CDKN2A: variants seen among roughly 807,000 people sequenced by gnomAD.
The protein encoded by CDKN2A is cyclin-dependent kinase inhibitor 2A.
A neutral mutation model predicts 11.1 loss-of-function variants in CDKN2A; 3 were observed. The observed-to-expected ratio is 0.27, with a 90% CI of 0.12 to 0.70. The LOEUF is 0.70. Ranked by LOEUF, CDKN2A falls within the 30% of genes least tolerant of loss-of-function variation. The pLI, the probability that CDKN2A is intolerant of heterozygous loss-of-function variation, is 0.77. For missense variants in CDKN2A, 265 were observed against 233.6 expected, an observed-to-expected ratio of 1.13 and a Z score of -0.88; for synonymous variants, 122 against 108.1, an observed-to-expected ratio of 1.13 and a Z score of -0.80.
chr9:21,969,305 T>C (rs1179152337), intron 2 of CDKN2A, among the ~76,000 whole-genome samples: 1 of 152,094 alleles, frequency 6.6e-6, no homozygotes, highest in Non-Finnish European at 1.5e-5. Flanking sequence ...GGAGAACCCC[T>C]TGAGCCAGGG....
rs1297764843 is a variant in CDKN2A at position 21,985,398 on chromosome 9, C to T, written c.-4+8484G>A. Among the ~76,000 whole-genome samples, 3 of 151,886 alleles carry T rather than the reference C, an allele frequency of 2.0e-5. No homozygotes were observed. The South Asian group carries it at 6.2e-4, about 31-fold the overall frequency. ...CCTCCAAGGTAGGCATTTTGAATGT[C>T]GTAAGGATGACAGTAATGTTTCTGC... On this transcript the variant is annotated intron_variant, in intron 2 of 3. Transcript: ENST00000494262.
At chr9:21,975,086 G>A, upstream of CDKN2A, 2 of 1,302,286 alleles carry the variant, frequency 1.5e-6, no homozygotes, top group African/African-American at 1.6e-5. Flanking sequence ...CCCTGAAGTC[G>A]CCCCAGGTTG....
chr9:21,971,116 G>A lies in CDKN2A; in HGVS notation c.243C>T (p.Pro81=), dbSNP rs1060504185. 6.2e-7 allele frequency: 1 copy of A among 1,604,194 alleles called. No individual in the cohort carries two copies. The highest frequency in any genetic ancestry group is 8.5e-7 in the Non-Finnish European group (1 of 1,179,540). ...AGCCCTCCCGGGCAGCGTCGTGCAC[G>A]GGTCGGGTGAGAGTGGCGGGGTCGG... is the stretch of plus-strand genomic sequence containing the variant. ...NCADPATLTR[P]VHDAAREGFL... Residue 81 remains proline, a synonymous_variant, in exon 2 of 3, where the codon CCC becomes CCT. Transcript: ENST00000304494.
rs1060504181 is a variant in CDKN2A at position 21,971,113 on chromosome 9, C to A, written c.246G>T (p.Val82=). 6.2e-7 allele frequency: 1 copy of A among 1,604,352 alleles called. No individual in the cohort carries two copies. Among genetic ancestry groups the A allele is most frequent in the Non-Finnish European group, 8.5e-7 (1 of 1,179,536 alleles). Residue 82 remains valine (V), a synonymous_variant, in exon 2 of 3, where the codon GTG becomes GTT. Transcript: ENST00000304494. ...CADPATLTRP[V]HDAAREGFLD... ...GGAAGCCCTCCCGGGCAGCGTCGTG[C>A]ACGGGTCGGGTGAGAGTGGCGGGGT...
chr9:21,971,575 A>ATTTTTTTTTTTTTT lies in CDKN2A; in HGVS notation c.151-381_151-368dup, dbSNP rs59981968. Among the ~76,000 whole-genome samples the ATTTTTTTTTTTTTT allele has an allele frequency of 9.8e-3, 1,086 of 111,150 alleles. 49 individuals are homozygous for ATTTTTTTTTTTTTT. The highest frequency in any genetic ancestry group is 0.027 in the East Asian group (103 of 3,832). The allele number at this position is 111,150 out of a possible 152,430, so 72.9% of individuals were successfully genotyped here. The stretch of plus-strand genomic sequence containing the variant: ...TCCTGAAATTATGTTAGGCCTGGAG[A>ATTTTTTTTTTTTTT]TTTTTTTTTTTTTTTTTGTTCACTG... On this transcript the variant is annotated intron_variant, in intron 1 of 2. Coordinates refer to ENST00000304494, the MANE Select transcript of CDKN2A (RefSeq NM_000077.5).
At chr9:21,994,469 CGCGCACCCGCCTTCCCTGA>C (rs748310296) in intron 1 of CDKN2A, 18 of 1,520,954 alleles carry the variant, frequency 1.2e-5, no homozygotes, top group Non-Finnish European at 1.5e-5. Context: ...GCCCCGCAGG[CGCGCACCCGCCTTCCCTGA>C]GCGCGCCCGC....
chr9:21,989,108 T>C (rs555213264), intron 2 of CDKN2A, among the ~76,000 whole-genome samples: 1 of 152,218 alleles, frequency 6.6e-6, no homozygotes, highest in Non-Finnish European at 1.5e-5. Flanking sequence ...AAAAACGCTA[T>C]TGACATTTGG....
At chr9:21,977,867 C>T (rs1025017040), upstream of CDKN2A, among the ~76,000 whole-genome samples, 1 of 152,098 alleles carries the variant, frequency 6.6e-6, no homozygotes, top group Admixed American at 6.5e-5. Context: ...ATTCCTACAT[C>T]AAGAACTCTT....
At chr9:21,992,819 G>A (rs2131144017) in intron 2 of CDKN2A, among the ~76,000 whole-genome samples, 1 of 151,886 alleles carries the variant, frequency 6.6e-6, no homozygotes, top group South Asian at 2.1e-4. Flanking sequence ...AACTTTTGCT[G>A]ATACGGATAA....
intron 2 of CDKN2A, chr9:21,970,580 A>C (rs1252859335): frequency 2.3e-5 from 13 of 568,942 alleles, no homozygotes. Context: ...GGGGCACTAG[A>C]CCTCTAGCCT....
chr9:21,980,901 G>GT (rs534789399), intron 2 of CDKN2A, among the ~76,000 whole-genome samples: 3,962 of 143,950 alleles, frequency 0.028, 185 homozygotes, highest in African/African-American at 0.078. Flanking sequence ...GGAGCTTGCA[G>GT]TGAGCCGAGA....
upstream of CDKN2A, among the ~76,000 whole-genome samples, chr9:21,977,240 TTA>T (rs1006035148): frequency 6.6e-6 from 1 of 152,168 alleles, no homozygotes; most frequent in African/African-American, 2.4e-5. Flanking sequence ...ATAAATAAAA[TTA>T]TTTTAGTTTA....
At chr9:21,976,585 G>T (rs569930585), upstream of CDKN2A, among the ~76,000 whole-genome samples, 3 of 151,654 alleles carry the variant, frequency 2.0e-5, no homozygotes, top group African/African-American at 7.3e-5. Context: ...GCTTGGTGGC[G>T]CATGCCTGTA....
At position 21,974,798 on chromosome 9, in the gene CDKN2A, C is replaced by A. The variant is rs1412534406; in HGVS notation, c.30G>T (p.Glu10Asp). The change falls in exon 1 of 3, where the codon GAG becomes GAT. Residue 10 changes from glutamate to aspartate, a missense_variant. Glu to Asp is a conservative substitution (Grantham distance 45). Coordinates refer to ENST00000304494, the MANE Select transcript of CDKN2A (RefSeq NM_000077.5). The surrounding 1 kb of genome is among the most constrained non-coding windows in gnomAD (Gnocchi z 5.2). MEPAAGSSMEPSADWLATAA... is the reference protein window; with the variant it reads MEPAAGSSMDPSADWLATAA... ...CCGTGGCCAGCCAGTCAGCCGAAGG[C>A]TCCATGCTGCTCCCCGCCGCCGGCT... 1.2e-6 allele frequency: 2 copies of A among 1,604,564 alleles called. No homozygotes were observed. The highest frequency in any genetic ancestry group is 2.2e-5 in the South Asian group (2 of 90,892).
chr9:21,987,428 CACACAGAGAGAGAG>C (rs1820326691), intron 2 of CDKN2A, among the ~76,000 whole-genome samples: 3 of 121,244 alleles, frequency 2.5e-5, no homozygotes, highest in African/African-American at 9.4e-5. Context: ...CACACACACA[CACACAGAGAGAGAG>C]AGAGAGAGAG....
In CDKN2A at chr9:21,974,213, A is replaced by G. The variant is rs1180877656; in HGVS notation, c.150+465T>C. On this transcript the variant is annotated intron_variant, in intron 1 of 2. Transcript: ENST00000304494. The surrounding 1 kb of genome is among the most constrained non-coding windows in gnomAD (Gnocchi z 5.2). ...GGCCGCTTCTGAATAATTTCGATCA[A>G]AATTTATATTCGATATTTATTCCAA... 6.6e-6 allele frequency among the ~76,000 whole-genome samples: 1 copy of G among 152,150 alleles called. No individual in the cohort carries two copies. The highest frequency in any genetic ancestry group is 6.5e-5 in the Admixed American group (1 of 15,270).
rs1477500164 is a variant in CDKN2A, at chr9:21,971,013, C to A, written c.346G>T (p.Asp116Tyr). ...CGATGGCCCAGCTCCTCAGCCAGGTCCACGGGCAGACGGCCCCAGGCATCG... is the reference window on the plus strand; with the variant it reads ...CGATGGCCCAGCTCCTCAGCCAGGTACACGGGCAGACGGCCCCAGGCATCG... ...VRDAWGRLPV[D>Y]LAEELGHRDV... is the part of the protein sequence containing the mutation. The change falls in exon 2 of 3, where the codon GAC becomes TAC. Residue 116 changes from aspartate to tyrosine, a missense_variant. Asp to Tyr is a radical substitution (Grantham distance 160, BLOSUM62 -3). Coordinates refer to ENST00000304494, the MANE Select transcript of CDKN2A (RefSeq NM_000077.5). The A allele has an allele frequency of 6.2e-7, 1 of 1,608,242 alleles. No homozygotes were observed.
chr9:21,990,341 C>G (rs1024439771), intron 2 of CDKN2A, among the ~76,000 whole-genome samples: 1 of 152,072 alleles, frequency 6.6e-6, no homozygotes, highest in Non-Finnish European at 1.5e-5. Context: ...GCAGGTTTTC[C>G]CAGACCTTAA....
upstream of CDKN2A, chr9:21,975,262 C>T: frequency 1.7e-6 from 1 of 594,534 alleles, no homozygotes; most frequent in Non-Finnish European, 2.1e-6. Context: ...AGTGCGTTCA[C>T]TCTGTTAAAA....
Sources: gnomAD v4.1 joint callset for allele counts (sites outside exome capture counted in the v4.1 genomes callset) on GRCh38, gnomAD v4.1.1 for gene constraint, Gnocchi (gnomAD v3.1) non-coding constraint, MANE v1.5 for transcripts, NCBI Gene and HGNC (gene_info 2026-07-23, HGNC 2026-07-21) for gene names.